Variants in CAMK2A observed in about 807,000 individuals in gnomAD.
The protein encoded by CAMK2A is calcium/calmodulin-dependent protein kinase type II subunit alpha.
In CAMK2A, 7 loss-of-function variants were observed where a neutral mutation model predicts 79.2. That is an observed-to-expected ratio of 0.09 (90% CI 0.05 to 0.17). CAMK2A has a LOEUF of 0.17. CAMK2A is among the 10% of genes least tolerant of loss of function. The pLI, the probability that CAMK2A is intolerant of heterozygous loss-of-function variation, is 1.00. For missense variants in CAMK2A, 214 were observed against 646.4 expected, an observed-to-expected ratio of 0.33 and a Z score of 7.25; for synonymous variants, 242 against 251.7, an observed-to-expected ratio of 0.96 and a Z score of 0.36.
intron 13 of CAMK2A, among the ~76,000 whole-genome samples, chr5:150,242,165 T>C (rs1755376555): frequency 6.6e-6 from 1 of 152,176 alleles, no homozygotes; most frequent in South Asian, 2.1e-4. Context: ...GGGACGTTGC[T>C]TCTTGGTGAT....
intron 3 of CAMK2A, among the ~76,000 whole-genome samples, chr5:150,258,531 A>G (rs1756160315): frequency 6.6e-6 from 1 of 152,264 alleles, no homozygotes; most frequent in African/African-American, 2.4e-5. Context: ...GTGAAAAAGC[A>G]AAGTGCAAAA....
intron 1 of CAMK2A, among the ~76,000 whole-genome samples, chr5:150,285,189 T>C (rs1194500035): frequency 6.6e-6 from 1 of 152,160 alleles, no homozygotes; most frequent in Non-Finnish European, 1.5e-5. Flanking sequence ...CTTCCCCCGA[T>C]ATGCTGGGTG....
chr5:150,244,508 C>A (rs1324240986), intron 13 of CAMK2A, among the ~76,000 whole-genome samples: 1 of 152,184 alleles, frequency 6.6e-6, no homozygotes, highest in Non-Finnish European at 1.5e-5. Context: ...GGGGACCAGG[C>A]CCCAGAGAGC....
At chr5:150,250,598 T>C in intron 10 of CAMK2A, 90 bp downstream of exon 10, 3 of 1,530,092 alleles carry the variant, frequency 2.0e-6, no homozygotes, top group East Asian at 2.3e-5. Context: ...CTTGGCCCCA[T>C]GGGCCAGGGG....
intron 3 of CAMK2A, among the ~76,000 whole-genome samples, chr5:150,260,274 G>A (rs2150288529): frequency 6.6e-6 from 1 of 152,194 alleles, no homozygotes; most frequent in South Asian, 2.1e-4. Context: ...GGCTAACACA[G>A]TGAAACTCCC....
chr5:150,239,966 G>A (rs1378323850), intron 13 of CAMK2A, among the ~76,000 whole-genome samples: 4 of 152,150 alleles, frequency 2.6e-5, no homozygotes. Context: ...CATGCACACT[G>A]CCTGGGTCTA....
At chr5:150,257,644 A>G in intron 3 of CAMK2A, 27 bp from the exon 4 acceptor site, 2 of 1,543,936 alleles carry the variant, frequency 1.3e-6, no homozygotes, top group South Asian at 2.4e-5. Flanking sequence ...GCAGTTGGTT[A>G]CAGTGGGACA....
chr5:150,223,315 G>T lies in CAMK2A; in HGVS notation c.1238-98C>A, dbSNP rs1754434518. ...ACTCCCAGCAGCCCTCTCAATGGAG[G>T]CGCCCTGCCTGACTCATTTGCAGGG... is the stretch of plus-strand genomic sequence containing the variant. On this transcript the variant is annotated intron_variant, in intron 17 of 18. Transcript: ENST00000671881. This position sits in a 1 kb window ranked among gnomAD's most constrained non-coding sequence, Gnocchi z 4.1. 3 of 974,140 alleles carry T rather than the reference G, an allele frequency of 3.1e-6. No homozygotes were observed. Among genetic ancestry groups the T allele is most frequent in the Non-Finnish European group, 3.1e-6 (2 of 647,670 alleles). 60.3% of individuals were successfully genotyped at this position (974,140 alleles called of 1,614,324 possible).
At chr5:150,231,786 A>G (rs1406207378) in intron 15 of CAMK2A, among the ~76,000 whole-genome samples, 3 of 152,136 alleles carry the variant, frequency 2.0e-5, no homozygotes, top group African/African-American at 7.2e-5. Context: ...TGCCATGTAA[A>G]TCAAAACAGG....
At chr5:150,229,032 A>G (rs1754726767) in intron 16 of CAMK2A, among the ~76,000 whole-genome samples, 3 of 152,104 alleles carry the variant, frequency 2.0e-5, no homozygotes. Context: ...GGTCTGTGGG[A>G]TCTTTTGTGG....
At chr5:150,238,792 G>T (rs750791622) in intron 14 of CAMK2A, 44 bp from the exon 15 acceptor site, 1 of 1,534,220 alleles carries the variant, frequency 6.5e-7, no homozygotes, top group Non-Finnish European at 8.8e-7. Flanking sequence ...GCCTGGGAGC[G>T]GGACGAGGCA....
chr5:150,247,565 T>C (rs1755624486), intron 12 of CAMK2A, among the ~76,000 whole-genome samples: 1 of 152,182 alleles, frequency 6.6e-6, no homozygotes. Context: ...TAACCAGTCC[T>C]GGTGGGCCCT....
At position 150,245,427 on chromosome 5, in the gene CAMK2A, C is replaced by G. The variant is rs1028809383; in HGVS notation, c.944-226G>C. On this transcript the variant is annotated intron_variant, in intron 12 of 18. Transcript: ENST00000671881. The stretch of plus-strand genomic sequence containing the variant: ...GGGTTCCCCGCCTTCTCAGCAATCT[C>G]AAGCGTAACCCTCTGGCTTCATGGG... The G allele has an allele frequency of 1.0e-5, 6 of 580,256 alleles. No individual in the cohort carries two copies. The African/African-American group carries it at 1.1e-4, about 11-fold the overall frequency. The allele number at this position is 580,256 out of a possible 1,614,324, so 35.9% of individuals were successfully genotyped here. A position where few individuals can be genotyped will look rare whatever the true frequency, so the allele number is the denominator to read the frequency against.
chr5:150,261,751 AC>A (rs1756314452), intron 3 of CAMK2A, among the ~76,000 whole-genome samples: 1 of 152,178 alleles, frequency 6.6e-6, no homozygotes, highest in African/African-American at 2.4e-5. Flanking sequence ...TCCCAGATCC[AC>A]CTCTTACAAG....
chr5:150,261,381 A>C (rs772456563), intron 3 of CAMK2A, among the ~76,000 whole-genome samples: 1 of 152,142 alleles, frequency 6.6e-6, no homozygotes, highest in African/African-American at 2.4e-5. Flanking sequence ...AGGCTGCCTG[A>C]GGAACGACTC....
chr5:150,251,010 G>A (rs577763406), intron 9 of CAMK2A, among the ~76,000 whole-genome samples, 200 bp from the exon 10 acceptor site: 85 of 152,342 alleles, frequency 5.6e-4, no homozygotes, highest in African/African-American at 2.0e-3. Context: ...AGGGAAAGGA[G>A]GCCTCCCTCC....
intron 4 of CAMK2A, among the ~76,000 whole-genome samples, chr5:150,257,307 A>T (rs1756099840): frequency 6.6e-6 from 1 of 152,254 alleles, no homozygotes; most frequent in Non-Finnish European, 1.5e-5. Flanking sequence ...AGGAAACTTT[A>T]TATTGCCACT....
At chr5:150,286,086 C>G (rs1052183408) in intron 1 of CAMK2A, among the ~76,000 whole-genome samples, 1 of 152,148 alleles carries the variant, frequency 6.6e-6, no homozygotes, top group African/African-American at 2.4e-5. Flanking sequence ...ACACTGAACC[C>G]TGGAGCTGGT....
intron 1 of CAMK2A, among the ~76,000 whole-genome samples, chr5:150,285,428 A>G (rs565317059): frequency 1.3e-5 from 2 of 152,298 alleles, no homozygotes; most frequent in East Asian, 3.9e-4. Context: ...TCCTCTCTCC[A>G]ACGTGACATT....
Sources: allele counts gnomAD v4.1 joint callset (sites outside exome capture counted in the v4.1 genomes callset), GRCh38; gene constraint gnomAD v4.1.1; non-coding constraint Gnocchi (gnomAD v3.1); transcripts MANE v1.5; gene names NCBI Gene and HGNC (gene_info 2026-07-23, HGNC 2026-07-21).